The following SAXO1 variants were observed in gnomAD, a reference collection of about 807,000 sequenced individuals.
SAXO1 encodes 4930500O09Rik.
SAXO1 carries 21 observed loss-of-function variants against 17.5 expected under a neutral mutation model. The ratio of observed to expected loss-of-function variants is 1.20; its 90% CI spans 0.85 to 1.72. The LOEUF is 1.72. Among genes scored for constraint, SAXO1 ranks in the 40% most tolerant of loss-of-function variants. The pLI, the probability that SAXO1 is intolerant of heterozygous loss-of-function variation, is 0.00. For synonymous variants in SAXO1, 274 were observed against 216.5 expected (o/e 1.27, Z -2.33); for missense variants, 843 against 596.0 (o/e 1.41, Z -4.32).
intron 1 of SAXO1, among the ~76,000 whole-genome samples, chr9:19,021,729 T>G (rs990584184): frequency 6.6e-6 from 1 of 152,244 alleles, no homozygotes; most frequent in Non-Finnish European, 1.5e-5. Flanking sequence ...AGAACTTTTG[T>G]GTCTAGCTAA....
At chr9:19,007,774 A>T (rs1223023427) in intron 1 of SAXO1, among the ~76,000 whole-genome samples, 1 of 152,234 alleles carries the variant, frequency 6.6e-6, no homozygotes, top group Non-Finnish European at 1.5e-5. Flanking sequence ...AATAGTTGAA[A>T]AATTAACAGG....
Position 18,928,063 on chromosome 9 carries a change from C to T in SAXO1, c.1414G>A (p.Val472Met). 6.2e-7 allele frequency: 1 copy of T among 1,600,532 alleles called. No homozygotes were observed. The highest frequency in any genetic ancestry group is 1.1e-5 in the South Asian group (1 of 90,182). ...ACTATTTTTCAAAATCAGGCTAACA[C>T]TTCCAACTCCCTCTGGTTGGGGTTT... Reference protein sequence around the residue: ...SENPNQRELEVLA With the variant: ...SENPNQRELEMLA The change falls in exon 4 of 4, where the codon GTG becomes ATG. Residue 472 changes from valine (V) to methionine (M), a missense_variant. Val to Met is a conservative substitution (Grantham distance 21, BLOSUM62 1). Transcript: ENST00000380534.
chr9:18,930,688 G>A (rs766523261), intron 3 of SAXO1, among the ~76,000 whole-genome samples: 10 of 152,082 alleles, frequency 6.6e-5, no homozygotes, highest in East Asian at 1.9e-4. Flanking sequence ...TAGTAGAGAC[G>A]GTGTTTCTCC....
intron 1 of SAXO1, among the ~76,000 whole-genome samples, chr9:18,964,383 T>C (rs773541111): frequency 6.6e-6 from 1 of 152,222 alleles, no homozygotes; most frequent in Admixed American, 6.5e-5. Context: ...AGAATTCAGC[T>C]GTGAATCTAT....
intron 1 of SAXO1, among the ~76,000 whole-genome samples, chr9:19,031,328 G>A (rs1054963503): frequency 2.0e-5 from 3 of 152,100 alleles, no homozygotes; most frequent in Non-Finnish European, 2.9e-5. Context: ...TTGGGAGGCC[G>A]AGGCAGGCGA....
intron 1 of SAXO1, among the ~76,000 whole-genome samples, chr9:18,958,029 C>T (rs1832325295): frequency 6.6e-6 from 1 of 152,178 alleles, no homozygotes; most frequent in Non-Finnish European, 1.5e-5. Context: ...CTACCTACAC[C>T]TCGTCTGTAG....
intron 1 of SAXO1, among the ~76,000 whole-genome samples, chr9:18,959,059 A>T (rs759442944): frequency 6.6e-6 from 1 of 152,160 alleles, no homozygotes; most frequent in African/African-American, 2.4e-5. Flanking sequence ...GGAAAAAGAC[A>T]TCTTATTTGG....
At chr9:19,024,847 G>A (rs1205517463) in intron 1 of SAXO1, among the ~76,000 whole-genome samples, 1 of 151,926 alleles carries the variant, frequency 6.6e-6, no homozygotes, top group African/African-American at 2.4e-5. Flanking sequence ...ATCACCTGAA[G>A]GTCAGTAATA....
At chr9:19,047,307 T>C (rs1836240520) in intron 1 of SAXO1, among the ~76,000 whole-genome samples, 1 of 152,080 alleles carries the variant, frequency 6.6e-6, no homozygotes, top group African/African-American at 2.4e-5. Context: ...GAGGTTGCAG[T>C]GAGCCAAGAT....
intron 1 of SAXO1, among the ~76,000 whole-genome samples, chr9:18,988,438 T>A (rs1037994137): frequency 6.6e-6 from 1 of 152,210 alleles, no homozygotes; most frequent in South Asian, 2.1e-4. Flanking sequence ...TGAGCAAAAG[T>A]GTTCCCAATT....
Position 18,985,693 on chromosome 9 carries a change from G to A in SAXO1, c.39-34756C>T, listed in dbSNP as rs190113334. Among the ~76,000 whole-genome samples the A allele has an allele frequency of 1.5e-4, 23 of 152,302 alleles. No homozygotes were observed. The East Asian group carries it at 4.3e-3, about 28-fold the overall frequency. ...TGAGAGCACGCAGAGCCACCACTCC[G>A]ACTCCCCTGCCCTTTCTGTTCCGGC... On this transcript the variant is annotated intron_variant, in intron 1 of 3. Transcript: ENST00000380534.
intron 1 of SAXO1, among the ~76,000 whole-genome samples, chr9:19,031,859 T>C (rs1338208371): frequency 6.6e-6 from 1 of 152,216 alleles, no homozygotes; most frequent in African/African-American, 2.4e-5. Flanking sequence ...GCCAGAGATA[T>C]AGAAGGTTGC....
At chr9:18,975,930 G>A (rs1010265534) in intron 1 of SAXO1, among the ~76,000 whole-genome samples, 2 of 152,114 alleles carry the variant, frequency 1.3e-5, no homozygotes, top group Non-Finnish European at 2.9e-5. Context: ...TGAACTCCAC[G>A]CAAACAGAAT....
chr9:19,005,400 A>C (rs1473803413), intron 1 of SAXO1, among the ~76,000 whole-genome samples: 1 of 152,250 alleles, frequency 6.6e-6, no homozygotes, highest in Non-Finnish European at 1.5e-5. Context: ...CTATGTAATC[A>C]AAACAGTATG....
At chr9:19,010,142 TA>T (rs111620008) in intron 1 of SAXO1, among the ~76,000 whole-genome samples, 2 of 117,230 alleles carry the variant, frequency 1.7e-5, no homozygotes, top group Admixed American at 8.6e-5. Flanking sequence ...ATTTTTAATC[TA>T]AAAAAAAACA....
chr9:18,999,859 T>C (rs1203320858), intron 1 of SAXO1, among the ~76,000 whole-genome samples: 3 of 136,524 alleles, frequency 2.2e-5, no homozygotes, highest in East Asian at 2.3e-4. Context: ...CGCCACAACA[T>C]CTGGGAAGTG....
chr9:18,962,787 T>G (rs1037995023), intron 1 of SAXO1, among the ~76,000 whole-genome samples: 5 of 152,358 alleles, frequency 3.3e-5, no homozygotes, highest in Admixed American at 1.3e-4. Context: ...TCTTTTGCTG[T>G]GCAGAAGCTC....
At chr9:19,029,954 A>G (rs1246056646) in intron 1 of SAXO1, among the ~76,000 whole-genome samples, 1 of 152,238 alleles carries the variant, frequency 6.6e-6, no homozygotes, top group East Asian at 1.9e-4. Flanking sequence ...CTGTGTTGCT[A>G]TGATACAGTG....
In SAXO1 at chr9:18,950,637, A is replaced by G. The variant is rs1831993340; in HGVS notation, c.218+121T>C. ...TAGTACATTAAGGCATTAATATCAT[A>G]TGTTGATACTGCACATTAATGCATT... is the stretch of plus-strand genomic sequence containing the variant. On this transcript the variant is annotated intron_variant, in intron 2 of 3. Transcript: ENST00000380534. 15 of 800,234 alleles carry G rather than the reference A, an allele frequency of 1.9e-5. No homozygotes were observed. The South Asian group carries it at 4.1e-4, about 22-fold the overall frequency. 49.6% of individuals were successfully genotyped at this position (800,234 alleles called of 1,614,324 possible). A position where few individuals can be genotyped will look rare whatever the true frequency, so the allele number is the denominator to read the frequency against.
Sources: allele counts gnomAD v4.1 joint callset (sites outside exome capture counted in the v4.1 genomes callset), GRCh38; gene constraint gnomAD v4.1.1; transcripts MANE v1.5; gene names NCBI Gene and HGNC (gene_info 2026-07-23, HGNC 2026-07-21).